The following LSM11 variants were observed in gnomAD, a reference collection of about 807,000 sequenced individuals.
LSM11 encodes U7 snRNA-associated Sm-like protein LSm11.
A neutral mutation model predicts 28.1 loss-of-function variants in LSM11; 14 were observed. That is an observed-to-expected ratio of 0.50 (90% CI 0.33 to 0.78). LSM11 has a LOEUF of 0.78. LSM11 is among the 30% of genes least tolerant of loss of function. The pLI, the probability that LSM11 is intolerant of heterozygous loss-of-function variation, is 0.02. For missense variants in LSM11, 495 were observed against 510.6 expected (o/e 0.97, Z 0.30); for synonymous variants, 207 against 214.2 (o/e 0.97, Z 0.30).
chr5:157,747,288 T>C (rs1470351360), intron 1 of LSM11, among the ~76,000 whole-genome samples: 1 of 152,250 alleles, frequency 6.6e-6, no homozygotes, highest in African/African-American at 2.4e-5. Context: ...GTGTTCAAGC[T>C]CACGTCTTGA....
rs1761383884 is a variant in LSM11 at position 157,759,806 on chromosome 5, G to T, written c.*4542G>T. The T allele has an allele frequency of 6.6e-6, 1 of 152,174 alleles. No individual in the cohort carries two copies. Among genetic ancestry groups the T allele is most frequent in the African/African-American group, 2.4e-5 (1 of 41,430 alleles). The allele number at this position is 152,174 out of a possible 1,614,324, so 9.4% of individuals were successfully genotyped here. A position where few individuals can be genotyped will look rare whatever the true frequency, so the allele number is the denominator to read the frequency against. On this transcript the variant is annotated 3_prime_UTR_variant, in exon 4 of 4. Transcript: ENST00000286307. Reference sequence around the variant, plus strand: ...GTGGGTGGTCTGTCAGCACTTTCTGGCAAATTGAGTTGATGGATTTAAGAT... The same window carrying T: ...GTGGGTGGTCTGTCAGCACTTTCTGTCAAATTGAGTTGATGGATTTAAGAT...
chr5:157,746,858 C>T (rs570966692), intron 1 of LSM11, among the ~76,000 whole-genome samples: 9 of 151,974 alleles, frequency 5.9e-5, no homozygotes, highest in Non-Finnish European at 1.2e-4. Context: ...TGCAGTGAGC[C>T]GAGATCATAG....
intron 1 of LSM11, 93 bp downstream of exon 1, chr5:157,744,291 G>C: frequency 1.0e-6 from 1 of 992,384 alleles, no homozygotes; most frequent in Non-Finnish European, 1.3e-6. Flanking sequence ...GCCGGGCGCG[G>C]GTCTGCACGT....
Position 157,743,845 on chromosome 5 carries a change from A to G in LSM11, c.95A>G (p.Asp32Gly). The G allele has an allele frequency of 1.3e-6, 2 of 1,551,222 alleles. No homozygotes were observed. The highest frequency in any genetic ancestry group is 1.7e-4 in the Middle Eastern group (1 of 5,738). Reference sequence around the variant, plus strand: ...CTGGATGTCAGCTCTGACAGCTTCGACCCGCTGCTGGCCCTGTACGCGCCC... The same window carrying G: ...CTGGATGTCAGCTCTGACAGCTTCGGCCCGCTGCTGGCCCTGTACGCGCCC... The part of the protein sequence containing the change: ...PRLDVSSDSF[D>G]PLLALYAPRL... The change falls in exon 1 of 4, where the codon GAC (aspartate) becomes GGC (glycine). Residue 32 changes from aspartate (D) to glycine (G), a missense_variant. Asp to Gly is a moderately conservative substitution (Grantham distance 94). Coordinates refer to ENST00000286307, the MANE Select transcript of LSM11 (RefSeq NM_173491.4).
At position 157,758,653 on chromosome 5, in the gene LSM11, A is replaced by C. The variant is rs1761367719; in HGVS notation, c.*3389A>C. The C allele has an allele frequency of 6.6e-6, 1 of 152,186 alleles. No individual in the cohort carries two copies. Among genetic ancestry groups the C allele is most frequent in the Non-Finnish European group, 1.5e-5 (1 of 68,022 alleles). The allele number at this position is 152,186 out of a possible 1,614,324, so 9.4% of individuals were successfully genotyped here. On this transcript the variant is annotated 3_prime_UTR_variant, in exon 4 of 4. Coordinates refer to ENST00000286307, the MANE Select transcript of LSM11 (RefSeq NM_173491.4). ...CTGAATACTGAAATACTAGAAACCA[A>C]CAAAACTGGTTTCTAGAATTCTCCA...
chr5:157,754,832 T>C, intron 3 of LSM11, 22 bp from the exon 4 acceptor site: 1 of 1,596,464 alleles, frequency 6.3e-7, no homozygotes, highest in South Asian at 1.1e-5. Flanking sequence ...AAGGCTAATA[T>C]TTATCATTGT....
At position 157,744,218 on chromosome 5, in the gene LSM11, G is replaced by C; in HGVS notation, c.448+20G>C. ...TGCCCTGTGAGTCCGCGGGCCGGGC[G>C]GGAAGCGGGGCAGCCGCCGTCCGGA... On this transcript the variant is annotated intron_variant, in intron 1 of 3. Transcript: ENST00000286307. 8.0e-7 allele frequency: 1 copy of C among 1,255,284 alleles called. No individual in the cohort carries two copies. The highest frequency in any genetic ancestry group is 1.0e-6 in the Non-Finnish European group (1 of 999,718). 77.8% of individuals were successfully genotyped at this position (1,255,284 alleles called of 1,614,324 possible).
chr5:157,746,555 G>A (rs1275430553), intron 1 of LSM11, among the ~76,000 whole-genome samples: 1 of 152,206 alleles, frequency 6.6e-6, no homozygotes, highest in Non-Finnish European at 1.5e-5. Context: ...TTGTATCTCT[G>A]TCATAGAATC....
chr5:157,744,255 G>C, intron 1 of LSM11, 57 bp downstream of exon 1: 1 of 1,198,032 alleles, frequency 8.3e-7, no homozygotes, highest in South Asian at 3.2e-5. Flanking sequence ...GCTGGCTGCC[G>C]AGGGGGCGTC....
intron 3 of LSM11, 131 bp from the exon 4 acceptor site, chr5:157,754,723 C>G: frequency 2.4e-6 from 1 of 414,980 alleles, no homozygotes; most frequent in Non-Finnish European, 4.2e-6. Context: ...AGATTTATTA[C>G]TAACTTTTAA....
Position 157,754,012 on chromosome 5 carries a change from T to A in LSM11, c.597T>A (p.Thr199=). The A allele has an allele frequency of 1.3e-6, 2 of 1,549,882 alleles. No homozygotes were observed. Among genetic ancestry groups the A allele is most frequent in the Non-Finnish European group, 1.7e-6 (2 of 1,150,996 alleles). Residue 199 remains threonine (T), a synonymous_variant, in exon 3 of 4, where the codon ACT becomes ACA. Transcript: ENST00000286307. The part of the protein sequence containing the change: ...AFDKFWNMAL[T]DVDETYRKPV... ...TTGGGCTGTTCCTCTAGGCACTTAC[T>A]GATGTGGATGAGACCTACCGAAAAC...
intron 1 of LSM11, among the ~76,000 whole-genome samples, chr5:157,746,535 A>C (rs1330933082): frequency 6.6e-6 from 1 of 152,224 alleles, no homozygotes; most frequent in Admixed American, 6.5e-5. Flanking sequence ...TAACTGTAAA[A>C]TATTTCACTT....
At position 157,746,986 on chromosome 5, in the gene LSM11, A is replaced by C. The variant is rs1054490990; in HGVS notation, c.448+2788A>C. The stretch of plus-strand genomic sequence containing the variant: ...AAAGAAGAAAAAAAGCATAGGAGGA[A>C]AGGTTTTTCGTCATCATTAAGCCTA... On this transcript the variant is annotated intron_variant, in intron 1 of 3. Coordinates refer to ENST00000286307, the MANE Select transcript of LSM11 (RefSeq NM_173491.4). Among the ~76,000 whole-genome samples, 6 of 152,302 alleles carry C rather than the reference A, an allele frequency of 3.9e-5. No homozygotes were observed. In the East Asian group the frequency reaches 1.2e-3, roughly 29 times the overall value.
In LSM11 at chr5:157,743,933, C is replaced by G; in HGVS notation, c.183C>G (p.Ser61Arg). ...PCFNNVAEYE[S>R]FLRTGVRGGG... is the part of the protein sequence containing the mutation. ...TCAACAACGTGGCGGAGTACGAGAGCTTCCTCAGGACCGGAGTCCGGGGCG... is the reference window on the plus strand; with the variant it reads ...TCAACAACGTGGCGGAGTACGAGAGGTTCCTCAGGACCGGAGTCCGGGGCG... The change falls in exon 1 of 4, where the codon AGC becomes AGG. Residue 61 changes from serine to arginine, a missense_variant. Ser to Arg is a moderately radical substitution (Grantham distance 110). Coordinates refer to ENST00000286307, the MANE Select transcript of LSM11 (RefSeq NM_173491.4). 1 of 1,472,376 alleles carries G rather than the reference C, an allele frequency of 6.8e-7. No individual in the cohort carries two copies. Among genetic ancestry groups the G allele is most frequent in the Non-Finnish European group, 9.0e-7 (1 of 1,108,394 alleles). 91.2% of individuals were successfully genotyped at this position (1,472,376 alleles called of 1,614,324 possible).
intron 3 of LSM11, 95 bp from the exon 4 acceptor site, chr5:157,754,759 G>A: frequency 1.1e-6 from 1 of 939,062 alleles, no homozygotes; most frequent in South Asian, 1.7e-5. Flanking sequence ...GGAGTCCACA[G>A]AACATAATTA....
At position 157,756,329 on chromosome 5, in the gene LSM11, T is replaced by A. The variant is rs766582463; in HGVS notation, c.*1065T>A. On this transcript the variant is annotated 3_prime_UTR_variant, in exon 4 of 4. Coordinates refer to ENST00000286307, the MANE Select transcript of LSM11 (RefSeq NM_173491.4). ...AGCGACACTTTACTCACAGCCTGGCTTGAGTCAACAGGAACACCATAGCAC... is the reference window on the plus strand; with the variant it reads ...AGCGACACTTTACTCACAGCCTGGCATGAGTCAACAGGAACACCATAGCAC... The A allele has an allele frequency of 6.6e-6, 1 of 152,668 alleles. No homozygotes were observed. Among genetic ancestry groups the A allele is most frequent in the Non-Finnish European group, 1.5e-5 (1 of 68,054 alleles). The allele number at this position is 152,668 out of a possible 1,614,324, so 9.5% of individuals were successfully genotyped here.
At position 157,755,417 on chromosome 5, in the gene LSM11, G is replaced by T; in HGVS notation, c.*153G>T. ...GCAGGCTCAGCCCCCTGGAAGATGAGCTCAAGGGGAGGACAGGCCTTGGGA... is the reference window on the plus strand; with the variant it reads ...GCAGGCTCAGCCCCCTGGAAGATGATCTCAAGGGGAGGACAGGCCTTGGGA... On this transcript the variant is annotated 3_prime_UTR_variant, in exon 4 of 4. Transcript: ENST00000286307. 1 of 829,844 alleles carries T rather than the reference G, an allele frequency of 1.2e-6. No homozygotes were observed. Among genetic ancestry groups the T allele is most frequent in the Non-Finnish European group, 1.8e-6 (1 of 546,410 alleles). The allele number at this position is 829,844 out of a possible 1,614,324, so 51.4% of individuals were successfully genotyped here. A position where few individuals can be genotyped will look rare whatever the true frequency, so the allele number is the denominator to read the frequency against.
chr5:157,748,600 C>T (rs946626564), intron 1 of LSM11, among the ~76,000 whole-genome samples: 19 of 152,150 alleles, frequency 1.2e-4, no homozygotes, highest in African/African-American at 3.6e-4. Flanking sequence ...GGTCATGGCA[C>T]GGGGATCCAC....
chr5:157,757,016 A>G lies in LSM11; in HGVS notation c.*1752A>G, dbSNP rs1761338054. ...CCCTGTCTCTACTAAAAATACAAAA[A>G]TTAGCCGGGCGTGGTGGCGGGCGCC... On this transcript the variant is annotated 3_prime_UTR_variant, in exon 4 of 4. Transcript: ENST00000286307. 1 of 152,138 alleles carries G rather than the reference A, an allele frequency of 6.6e-6. No homozygotes were observed. Among genetic ancestry groups the G allele is most frequent in the African/African-American group, 2.4e-5 (1 of 41,374 alleles). 9.4% of individuals were successfully genotyped at this position (152,138 alleles called of 1,614,324 possible). A position where few individuals can be genotyped will look rare whatever the true frequency, so the allele number is the denominator to read the frequency against.
Sources: gnomAD v4.1 joint callset for allele counts (sites outside exome capture counted in the v4.1 genomes callset) on GRCh38, gnomAD v4.1.1 for gene constraint, MANE v1.5 for transcripts, NCBI Gene and HGNC (gene_info 2026-07-23, HGNC 2026-07-21) for gene names.